The following GALNT13 variants were observed in gnomAD, a reference collection of about 807,000 sequenced individuals.
The protein encoded by GALNT13 is UDP-GalNAc:polypeptide N-acetylgalactosaminyltransferase 13.
A neutral mutation model predicts 64.2 loss-of-function variants in GALNT13; 28 were observed. The observed-to-expected ratio is 0.44, with a 90% CI of 0.32 to 0.60. GALNT13 has a LOEUF of 0.60. GALNT13 is among the 20% of genes least tolerant of loss of function. The pLI is 0.05. For synonymous variants in GALNT13, 214 were observed against 224.6 expected, an observed-to-expected ratio of 0.95 and a Z score of 0.42; for missense variants, 577 against 669.8, an observed-to-expected ratio of 0.86 and a Z score of 1.53.
At chr2:153,068,366 G>A in the GALNT13 span, among the ~76,000 whole-genome samples, 1 of 152,156 alleles carries the variant, frequency 6.6e-6, no homozygotes, top group African/African-American at 2.4e-5. Flanking sequence ...AACTCGGTAA[G>A]GCCAAGGCTT....
At chr2:154,053,790 G>C (rs749748960) in intron 3 of GALNT13, among the ~76,000 whole-genome samples, 3 of 152,128 alleles carry the variant, frequency 2.0e-5, no homozygotes, top group Non-Finnish European at 4.4e-5. Flanking sequence ...TGGGTGAAAG[G>C]CCAGGACTGA....
At chr2:153,731,109 T>G in the GALNT13 span, among the ~76,000 whole-genome samples, 1 of 151,840 alleles carries the variant, frequency 6.6e-6, no homozygotes, top group South Asian at 2.1e-4. Context: ...TGTGTGTGTG[T>G]GAATGTCATA....
At chr2:154,123,898 C>G (rs1282774884) in intron 3 of GALNT13, among the ~76,000 whole-genome samples, 1 of 151,998 alleles carries the variant, frequency 6.6e-6, no homozygotes, top group East Asian at 1.9e-4. Flanking sequence ...ACAAGGATTC[C>G]TTTAGAGTAC....
At chr2:154,383,385 A>T (rs1159290024) in intron 9 of GALNT13, among the ~76,000 whole-genome samples, 1 of 151,924 alleles carries the variant, frequency 6.6e-6, no homozygotes, top group Non-Finnish European at 1.5e-5. Flanking sequence ...TGTCATAAAG[A>T]ACATTCCTGC....
chr2:153,675,175 G>T, the GALNT13 span, among the ~76,000 whole-genome samples: 66 of 152,204 alleles, frequency 4.3e-4, no homozygotes, highest in African/African-American at 1.5e-3. Flanking sequence ...ATACCATTTG[G>T]CCCAGCAATC....
At chr2:153,358,600 T>A in the GALNT13 span, among the ~76,000 whole-genome samples, 1 of 152,184 alleles carries the variant, frequency 6.6e-6, no homozygotes, top group Non-Finnish European at 1.5e-5. Context: ...CTGAGGTAGG[T>A]CCTAGTGGTT....
the GALNT13 span, among the ~76,000 whole-genome samples, chr2:153,262,722 G>A: frequency 6.6e-6 from 1 of 152,136 alleles, no homozygotes; most frequent in East Asian, 1.9e-4. Context: ...TTTAATAGAT[G>A]CAGAAAAGGC....
chr2:153,929,434 T>C (rs572298772), intron 2 of GALNT13, among the ~76,000 whole-genome samples: 2 of 152,328 alleles, frequency 1.3e-5, no homozygotes, highest in African/African-American at 4.8e-5. Flanking sequence ...GTGTGCAGAT[T>C]ATTTCGTCAC....
chr2:153,445,289 C>A, the GALNT13 span, among the ~76,000 whole-genome samples: 1 of 152,098 alleles, frequency 6.6e-6, no homozygotes, highest in East Asian at 1.9e-4. Context: ...GTCTAACAAG[C>A]AGAACCATAA....
chr2:153,609,973 G>T, the GALNT13 span, among the ~76,000 whole-genome samples: 1 of 152,106 alleles, frequency 6.6e-6, no homozygotes, highest in Admixed American at 6.6e-5. Flanking sequence ...GTTTATTTGT[G>T]CACTACACAG....
the GALNT13 span, among the ~76,000 whole-genome samples, chr2:153,092,098 C>T: frequency 0.2 from 30,006 of 152,104 alleles, 3,305 homozygotes; most frequent in Non-Finnish European, 0.25. Context: ...ATTGAAGAGA[C>T]TGTCTTTTTT....
At chr2:153,832,058 G>C in the GALNT13 span, among the ~76,000 whole-genome samples, 1 of 152,082 alleles carries the variant, frequency 6.6e-6, no homozygotes, top group Non-Finnish European at 1.5e-5. Flanking sequence ...TGAAAGAAGA[G>C]AACTGTATGT....
the GALNT13 span, among the ~76,000 whole-genome samples, chr2:153,600,947 A>G: frequency 6.6e-6 from 1 of 152,078 alleles, no homozygotes; most frequent in African/African-American, 2.4e-5. Context: ...GACAAAATAT[A>G]CAGAGAGGCA....
chr2:154,177,908 A>G (rs894042415), intron 4 of GALNT13, among the ~76,000 whole-genome samples: 4 of 152,186 alleles, frequency 2.6e-5, no homozygotes, highest in East Asian at 1.9e-4. Context: ...ACTTGCTTCA[A>G]TGCTCAACTT....
At chr2:154,103,800 G>T (rs1285999306) in intron 3 of GALNT13, among the ~76,000 whole-genome samples, 1 of 152,154 alleles carries the variant, frequency 6.6e-6, no homozygotes, top group South Asian at 2.1e-4. Flanking sequence ...TCTGGTTGTT[G>T]TGGCAATGTA....
the GALNT13 span, among the ~76,000 whole-genome samples, chr2:153,592,548 T>C: frequency 1.3e-5 from 2 of 152,258 alleles, no homozygotes; most frequent in Non-Finnish European, 2.9e-5. Flanking sequence ...TGCAGCACCA[T>C]GAGTAGAACT....
chr2:154,318,946 G>T, intron 9 of GALNT13, among the ~76,000 whole-genome samples: 1 of 152,082 alleles, frequency 6.6e-6, no homozygotes, highest in Non-Finnish European at 1.5e-5. Flanking sequence ...GAGAGCATAT[G>T]ATAATCATCC....
chr2:153,394,941 G>A, the GALNT13 span, among the ~76,000 whole-genome samples: 1 of 152,106 alleles, frequency 6.6e-6, no homozygotes, highest in South Asian at 2.1e-4. Context: ...AGAGGCTGAA[G>A]TAGGGAAAGA....
intron 4 of GALNT13, among the ~76,000 whole-genome samples, chr2:154,154,483 G>T (rs1025499441): frequency 1.3e-5 from 2 of 152,116 alleles, no homozygotes; most frequent in African/African-American, 4.8e-5. Context: ...TGATGTGATG[G>T]AAATGATATT....
Sources: allele counts gnomAD v4.1 joint callset (sites outside exome capture counted in the v4.1 genomes callset), GRCh38; gene constraint gnomAD v4.1.1; transcripts MANE v1.5; gene names NCBI Gene and HGNC (gene_info 2026-07-23, HGNC 2026-07-21).